IGSF9: variants seen among roughly 807,000 people sequenced by gnomAD.
The protein encoded by IGSF9 is immunoglobulin superfamily member 9, also known as protein turtle homolog A.
IGSF9 carries 87 observed loss-of-function variants against 121.7 expected under a neutral mutation model. The ratio of observed to expected loss-of-function variants is 0.71; its 90% CI spans 0.60 to 0.85. The LOEUF (loss-of-function observed/expected upper bound fraction) is 0.85. IGSF9 is among the 40% of genes least tolerant of loss of function. The probability of loss-of-function intolerance (pLI) is 0.00; values close to 1 mark genes in which losing one functional copy is unlikely to be tolerated. For synonymous variants in IGSF9, 640 were observed against 648.4 expected (o/e 0.99, Z 0.20); for missense variants, 1,462 against 1,565.3 (o/e 0.93, Z 1.11).
At position 159,931,715 on chromosome 1, in the gene IGSF9, C is replaced by T; in HGVS notation, c.1362+97G>A. On this transcript the variant is annotated intron_variant, in intron 11 of 20. Transcript: ENST00000368094. The surrounding 1 kb of genome is among the most constrained non-coding windows in gnomAD (Gnocchi z 4.8). Reference sequence around the variant, plus strand: ...TCCCCACCCTGCCTCTGACAGCCTTCTCCTTCCCACACCCTCCCTCCCACA... The same window carrying T: ...TCCCCACCCTGCCTCTGACAGCCTTTTCCTTCCCACACCCTCCCTCCCACA... The T allele has an allele frequency of 6.7e-7, 1 of 1,491,518 alleles. No homozygotes were observed. Among genetic ancestry groups the T allele is most frequent in the Non-Finnish European group, 9.2e-7 (1 of 1,092,540 alleles). 92.4% of individuals were successfully genotyped at this position (1,491,518 alleles called of 1,614,324 possible). A position where few individuals can be genotyped will look rare whatever the true frequency, so the allele number is the denominator to read the frequency against.
chr1:159,934,893 C>T lies in IGSF9; in HGVS notation c.674-71G>A. The T allele has an allele frequency of 3.2e-6, 5 of 1,568,078 alleles. No homozygotes were observed. The Admixed American group carries it at 8.5e-5, about 27-fold the overall frequency. On this transcript the variant is annotated intron_variant, in intron 6 of 20. Transcript: ENST00000368094. ...TCCCAGAACCCTGAGGTCACCTCTA[C>T]AACTCTTCCCAGCTCTGCTCTCTGG... is the stretch of plus-strand genomic sequence containing the variant.
chr1:159,943,344 C>G (rs1411998220), intron 2 of IGSF9, 53 bp downstream of exon 2: 3 of 1,484,192 alleles, frequency 2.0e-6, no homozygotes, highest in Non-Finnish European at 2.7e-6. Flanking sequence ...GGAACACCCC[C>G]ATACCCACCC....
rs933639070 is a variant in IGSF9, at chr1:159,927,095, CACAGAGAGAG to C, written c.*240_*249del. Reference sequence around the variant, plus strand: ...AAAACTTCACACACACACACACACACACAGAGAGAGAGAGAGAGAGAGAGAGAGAGAGAGA... The same window carrying C: ...AAAACTTCACACACACACACACACACAGAGAGAGAGAGAGAGAGAGAGAGA... On this transcript the variant is annotated 3_prime_UTR_variant, in exon 21 of 21. Coordinates refer to ENST00000368094, the MANE Select transcript of IGSF9 (RefSeq NM_001135050.2). 196 of 451,076 alleles carry C rather than the reference CACAGAGAGAG, an allele frequency of 4.3e-4. 1 individual carries two copies. Among genetic ancestry groups the C allele is most frequent in the East Asian group, 2.3e-3 (53 of 22,878 alleles). The allele number at this position is 451,076 out of a possible 1,614,324, so 27.9% of individuals were successfully genotyped here. A position where few individuals can be genotyped will look rare whatever the true frequency, so the allele number is the denominator to read the frequency against.
rs147984522 is a variant in IGSF9, at chr1:159,943,068, C to T, written c.142G>A (p.Gly48Ser). Residue 48 changes from glycine to serine, a missense_variant, in exon 3 of 21, where the codon GGC (glycine) becomes AGC (serine). This residue lies in a region of IGSF9 where 558 missense variants were observed against 599.4 expected (regional missense o/e 0.93). Transcript: ENST00000368094. ...VLGCDLLPPA[G>S]RPPLHVIEWL... is the part of the protein sequence containing the mutation. ...TCGATGACATGCAGGGGGGGCCGGC[C>T]GGCCGGGGGCAGCAGGTCACAGCCC... 4.4e-4 allele frequency: 710 copies of T among 1,613,068 alleles called. No individual in the cohort carries two copies. In the African/African-American group the frequency reaches 6.7e-3, roughly 15 times the overall value.
chr1:159,930,618 C>G, intron 14 of IGSF9, 74 bp downstream of exon 14: 1 of 1,592,084 alleles, frequency 6.3e-7, no homozygotes, highest in Non-Finnish European at 8.6e-7. Flanking sequence ...CACCCAGGGC[C>G]TCCCATATCC....
At position 159,931,952 on chromosome 1, in the gene IGSF9, G is replaced by A; in HGVS notation, c.1246-24C>T. On this transcript the variant is annotated intron_variant, in intron 10 of 20. Coordinates refer to ENST00000368094, the MANE Select transcript of IGSF9 (RefSeq NM_001135050.2). This position sits in a 1 kb window ranked among gnomAD's most constrained non-coding sequence, Gnocchi z 4.8. ...GCCTGCAAGCCAGATCTGGCATTGG[G>A]AGGGGCCCTCTCTTACATCTAAGGC... is the stretch of plus-strand genomic sequence containing the variant. 1 of 1,471,252 alleles carries A rather than the reference G, an allele frequency of 6.8e-7. No homozygotes were observed. The highest frequency in any genetic ancestry group is 9.3e-7 in the Non-Finnish European group (1 of 1,071,214). The allele number at this position is 1,471,252 out of a possible 1,614,324, so 91.1% of individuals were successfully genotyped here. A position where few individuals can be genotyped will look rare whatever the true frequency, so the allele number is the denominator to read the frequency against.
intron 15 of IGSF9, 74 bp from the exon 16 acceptor site, chr1:159,930,049 C>A (rs766395384): frequency 1.4e-4 from 225 of 1,562,182 alleles, no homozygotes; most frequent in Non-Finnish European, 1.9e-4. Context: ...GCGGAAAGAC[C>A]GTGCACGTGG....
In IGSF9 at chr1:159,932,102, T is replaced by A; in HGVS notation, c.1246-174A>T. ...TTCTCTCTCCATCTCTCAATTCCTC[T>A]CTGGCTCTGTTTCTGTTCCCCAGTG... is the stretch of plus-strand genomic sequence containing the variant. On this transcript the variant is annotated intron_variant, in intron 10 of 20. Coordinates refer to ENST00000368094, the MANE Select transcript of IGSF9 (RefSeq NM_001135050.2). This position sits in a 1 kb window ranked among gnomAD's most constrained non-coding sequence, Gnocchi z 4.1. The A allele has an allele frequency of 3.4e-6, 2 of 579,990 alleles. No homozygotes were observed. Among genetic ancestry groups the A allele is most frequent in the South Asian group, 4.3e-5 (2 of 46,010 alleles). The allele number at this position is 579,990 out of a possible 1,614,324, so 35.9% of individuals were successfully genotyped here. A position where few individuals can be genotyped will look rare whatever the true frequency, so the allele number is the denominator to read the frequency against.
intron 3 of IGSF9, among the ~76,000 whole-genome samples, chr1:159,939,759 C>A (rs1317070049): frequency 6.6e-6 from 1 of 152,174 alleles, no homozygotes; most frequent in Non-Finnish European, 1.5e-5. Context: ...GAGTCTTTTT[C>A]TACTTAGAAT....
chr1:159,928,293 G>A lies in IGSF9; in HGVS notation c.3095C>T (p.Ser1032Leu), dbSNP rs1391706093. The A allele has an allele frequency of 4.3e-6, 7 of 1,612,290 alleles. No homozygotes were observed. The highest frequency in any genetic ancestry group is 1.7e-5 in the Admixed American group (1 of 59,924). The change falls in exon 19 of 21, where the codon TCG becomes TTG. Residue 1032 changes from serine (S) to leucine (L), a missense_variant. Transcript: ENST00000368094. The stretch of plus-strand genomic sequence containing the variant: ...GGCTGTGGAGGGGGGCCGCAGGAAC[G>A]AAGCGCTGCCTCGCCCACTGCTCTG... ...TSQSSGRGSA[S>L]FLRPPSTAPS...
chr1:159,940,606 G>T (rs146571182), intron 3 of IGSF9, among the ~76,000 whole-genome samples: 1 of 152,310 alleles, frequency 6.6e-6, no homozygotes, highest in Admixed American at 6.5e-5. Context: ...CATCCACAAA[G>T]AAGTTCAAAA....
intron 16 of IGSF9, 38 bp from the exon 17 acceptor site, chr1:159,929,852 G>T: frequency 6.3e-7 from 1 of 1,588,602 alleles, no homozygotes. Flanking sequence ...AGTGGACTCG[G>T]AGCAGCCCTG....
In IGSF9 at chr1:159,937,833, C is replaced by A; in HGVS notation, c.253G>T (p.Val85Phe). The change falls in exon 4 of 21, where the codon GTC becomes TTC. Residue 85 changes from valine (V) to phenylalanine (F), a missense_variant. Val to Phe is a conservative substitution (Grantham distance 50, BLOSUM62 -1). This residue lies in a region of IGSF9 where 558 missense variants were observed against 599.4 expected (regional missense o/e 0.93). Coordinates refer to ENST00000368094, the MANE Select transcript of IGSF9 (RefSeq NM_001135050.2). ...AGAGAGGCCCCCTTCTGCAGCCGGA[C>A]TCGTCCTGGGGGAGGAGCCCTGAAT... ...PRIDPDYVGR[V>F]RLQKGASLQI... 13 of 1,613,676 alleles carry A rather than the reference C, an allele frequency of 8.1e-6. No homozygotes were observed. Among genetic ancestry groups the A allele is most frequent in the Non-Finnish European group, 1.1e-5 (13 of 1,179,784 alleles).
At chr1:159,933,869 C>T (rs1243979836) in intron 9 of IGSF9, 5 of 377,682 alleles carry the variant, frequency 1.3e-5, no homozygotes, top group African/African-American at 2.1e-5. Context: ...AGTGTGTGTT[C>T]CCCCGGGACA....
chr1:159,931,911 T>C lies in IGSF9; in HGVS notation c.1263A>G (p.Ile421Met). The C allele has an allele frequency of 6.3e-7, 1 of 1,593,456 alleles. No homozygotes were observed. The highest frequency in any genetic ancestry group is 1.1e-5 in the South Asian group (1 of 87,772). Residue 421 changes from isoleucine to methionine, a missense_variant, in exon 11 of 21, where the codon ATA (isoleucine) becomes ATG (methionine). Ile to Met is a conservative substitution (Grantham distance 10). This residue lies in a region of IGSF9 where 558 missense variants were observed against 599.4 expected (regional missense o/e 0.93). Coordinates refer to ENST00000368094, the MANE Select transcript of IGSF9 (RefSeq NM_001135050.2). The surrounding 1 kb of genome is among the most constrained non-coding windows in gnomAD (Gnocchi z 4.8). ...RVLLKAPPAF[I>M]ERPKEEYFQE... ...GGAAATATTCTTCCTTGGGCCGCTCTATAAAAGCTGGGGGAGCCTGCAAGC... is the reference window on the plus strand; with the variant it reads ...GGAAATATTCTTCCTTGGGCCGCTCCATAAAAGCTGGGGGAGCCTGCAAGC...
At position 159,936,528 on chromosome 1, in the gene IGSF9, G is replaced by C. The variant is rs1204763686; in HGVS notation, c.556-12C>G. On this transcript the variant is annotated splice_polypyrimidine_tract_variant and intron_variant, in intron 5 of 20. Coordinates refer to ENST00000368094, the MANE Select transcript of IGSF9 (RefSeq NM_001135050.2). ...GTCCCGTTCTGCACCTAGGGAAGGA[G>C]TGGGTGAGGAAGAGTCCTTTCCCCT... 1.9e-6 allele frequency: 3 copies of C among 1,612,760 alleles called. No homozygotes were observed. Among genetic ancestry groups the C allele is most frequent in the Non-Finnish European group, 2.5e-6 (3 of 1,179,068 alleles).
In IGSF9 at chr1:159,929,700, A is replaced by G. The variant is rs1557930882; in HGVS notation, c.2264T>C (p.Leu755Pro). 1 of 1,599,326 alleles carries G rather than the reference A, an allele frequency of 6.3e-7. No individual in the cohort carries two copies. Among genetic ancestry groups the G allele is most frequent in the Admixed American group, 1.7e-5 (1 of 57,470 alleles). The change falls in exon 17 of 21, where the codon CTG becomes CCG. Residue 755 changes from leucine (L) to proline (P), a missense_variant. Leu to Pro is a moderately conservative substitution (Grantham distance 98). Around this residue, in one of 3 missense-constraint regions of IGSF9, gnomAD observed 808 missense variants for 815.2 expected, o/e 0.99. Coordinates refer to ENST00000368094, the MANE Select transcript of IGSF9 (RefSeq NM_001135050.2). ...FLGVAVLVSI[L>P]AGCLLNRRRA... is the part of the protein sequence containing the mutation. ...GCGCCGGTTCAGGAGGCAGCCGGCC[A>G]GGATGCTCACAAGGACGGCCACTCC...
Position 159,932,386 on chromosome 1 carries a change from G to A in IGSF9, c.1245+126C>T. ...GGCAGCTGCTGCCGTGGCCACCATG[G>A]GAAACAAACTTGGAAACCCCTCCCC... is the stretch of plus-strand genomic sequence containing the variant. On this transcript the variant is annotated intron_variant, in intron 10 of 20. Coordinates refer to ENST00000368094, the MANE Select transcript of IGSF9 (RefSeq NM_001135050.2). This position sits in a 1 kb window ranked among gnomAD's most constrained non-coding sequence, Gnocchi z 4.1. 9.1e-7 allele frequency: 1 copy of A among 1,098,406 alleles called. No individual in the cohort carries two copies. Among genetic ancestry groups the A allele is most frequent in the South Asian group, 1.5e-5 (1 of 66,702 alleles). The allele number at this position is 1,098,406 out of a possible 1,614,324, so 68.0% of individuals were successfully genotyped here. A position where few individuals can be genotyped will look rare whatever the true frequency, so the allele number is the denominator to read the frequency against.
At position 159,931,011 on chromosome 1, in the gene IGSF9, G is replaced by A. The variant is rs1650977041; in HGVS notation, c.1637+127C>T. ...CTGAATGCCTCAGAATCTGGAAACA[G>A]GGAAGCAGAGCCAGGACTGGTGAGG... On this transcript the variant is annotated intron_variant, in intron 13 of 20. Transcript: ENST00000368094. This position sits in a 1 kb window ranked among gnomAD's most constrained non-coding sequence, Gnocchi z 4.8. 2 of 1,477,774 alleles carry A rather than the reference G, an allele frequency of 1.4e-6. No individual in the cohort carries two copies. The highest frequency in any genetic ancestry group is 1.8e-6 in the Non-Finnish European group (2 of 1,089,140). 91.5% of individuals were successfully genotyped at this position (1,477,774 alleles called of 1,614,324 possible).
Sources: gnomAD v4.1 joint callset for allele counts (sites outside exome capture counted in the v4.1 genomes callset) on GRCh38, gnomAD v4.1.1 for gene constraint, gnomAD v4.1.1 regional missense constraint, Gnocchi (gnomAD v3.1) non-coding constraint, MANE v1.5 for transcripts, NCBI Gene and HGNC (gene_info 2026-07-23, HGNC 2026-07-21) for gene names.